TET2: variants seen among roughly 807,000 people sequenced by gnomAD.
TET2 encodes the protein tet methylcytosine dioxygenase 2.
A neutral mutation model predicts 142.9 loss-of-function variants in TET2; 299 were observed. The ratio of observed to expected loss-of-function variants is 2.09; its 90% CI spans 1.90 to 2.30. The LOEUF (loss-of-function observed/expected upper bound fraction) is 2.30, where lower values mean the gene tolerates loss of function less well. TET2 is among the 30% of genes most tolerant of loss of function. The pLI, the probability that TET2 is intolerant of heterozygous loss-of-function variation, is 0.00. For synonymous variants in TET2, 819 were observed against 849.0 expected, an observed-to-expected ratio of 0.96 and a Z score of 0.61; for missense variants, 2,418 against 2,378.0, an observed-to-expected ratio of 1.02 and a Z score of -0.35.
intron 6 of TET2, among the ~76,000 whole-genome samples, chr4:105,244,987 A>G (rs1448805643): frequency 6.6e-6 from 1 of 152,212 alleles, no homozygotes; most frequent in Non-Finnish European, 1.5e-5. Context: ...CCACCAAACT[A>G]TAGAATCATT....
chr4:105,175,602 T>C (rs576192887), intron 1 of TET2, among the ~76,000 whole-genome samples: 1 of 151,980 alleles, frequency 6.6e-6, no homozygotes, highest in South Asian at 2.1e-4. Flanking sequence ...AAAGGTATAA[T>C]GTACGTGCAA....
rs1553918864 is a variant in TET2 at position 105,278,171 on chromosome 4, C to CATATACATATATAT, written c.*1657_*1658insCATATATATATATA. The CATATACATATATAT allele has an allele frequency of 8.8e-6, 1 of 113,940 alleles. No individual in the cohort carries two copies. Among genetic ancestry groups the CATATACATATATAT allele is most frequent in the African/African-American group, 4.1e-5 (1 of 24,396 alleles). The allele number at this position is 113,940 out of a possible 1,614,324, so 7.1% of individuals were successfully genotyped here. ...GTACTGTAAAAAAATTAAATATATA[C>CATATACATATATAT]ATATATATATATATATATATATATA... On this transcript the variant is annotated 3_prime_UTR_variant, in exon 11 of 11. Transcript: ENST00000380013.
At chr4:105,199,688 C>T (rs1001917470) in intron 2 of TET2, among the ~76,000 whole-genome samples, 7 of 152,168 alleles carry the variant, frequency 4.6e-5, no homozygotes, top group Non-Finnish European at 8.8e-5. Flanking sequence ...TCCTCTCCCT[C>T]CTCCCACCCT....
Position 105,243,655 on chromosome 4 carries a change from T to A in TET2, c.3680T>A (p.Val1227Glu), listed in dbSNP as rs2110255102. ...AGHTCEAAVI[V>E]ILILVWEGIP... ...CACACCTGTGAGGCTGCAGTGATTGTGATTCTCATCCTGGTGTGGGAAGGA... is the reference window on the plus strand; with the variant it reads ...CACACCTGTGAGGCTGCAGTGATTGAGATTCTCATCCTGGTGTGGGAAGGA... The change falls in exon 6 of 11, where the codon GTG (valine) becomes GAG (glutamate). Residue 1227 changes from valine to glutamate, a missense_variant. By Grantham distance (121) the Val-to-Glu change is moderately radical. Coordinates refer to ENST00000380013, the MANE Select transcript of TET2 (RefSeq NM_001127208.3). The A allele has an allele frequency of 6.4e-7, 1 of 1,551,608 alleles. No individual in the cohort carries two copies. The highest frequency in any genetic ancestry group is 8.7e-7 in the Non-Finnish European group (1 of 1,146,948).
At chr4:105,216,473 C>A (rs1727501418) in intron 2 of TET2, among the ~76,000 whole-genome samples, 1 of 151,854 alleles carries the variant, frequency 6.6e-6, no homozygotes, top group Non-Finnish European at 1.5e-5. Context: ...TATAAGATGG[C>A]AACTAAAATC....
At position 105,275,579 on chromosome 4, in the gene TET2, C is replaced by T. The variant is rs1731173083; in HGVS notation, c.5069C>T (p.Thr1690Ile). 1 of 1,551,608 alleles carries T rather than the reference C, an allele frequency of 6.4e-7. No individual in the cohort carries two copies. The highest frequency in any genetic ancestry group is 8.7e-7 in the Non-Finnish European group (1 of 1,146,992). The change falls in exon 11 of 11, where the codon ACA (threonine) becomes ATA (isoleucine). Residue 1690 changes from threonine (T) to isoleucine (I), a missense_variant. Coordinates refer to ENST00000380013, the MANE Select transcript of TET2 (RefSeq NM_001127208.3). Reference sequence around the variant, plus strand: ...AGGTTTGGAAATAGCCAGAGTTTTACATCTAAATACTTAGGTTATGGAAAC... The same window carrying T: ...AGGTTTGGAAATAGCCAGAGTTTTATATCTAAATACTTAGGTTATGGAAAC... ...QPRFGNSQSF[T>I]SKYLGYGNQN...
At chr4:105,164,270 AGT>A (rs992020799) in intron 1 of TET2, among the ~76,000 whole-genome samples, 190 of 152,306 alleles carry the variant, frequency 1.2e-3, no homozygotes, top group African/African-American at 4.1e-3. Context: ...TCCACATATA[AGT>A]GAGATCATGC....
chr4:105,272,941 G>C (rs1265469916), intron 10 of TET2, 23 bp downstream of exon 10: 1 of 1,482,966 alleles, frequency 6.7e-7, no homozygotes, highest in Non-Finnish European at 9.0e-7. Flanking sequence ...TAAAGCATTT[G>C]TAGATAAATG....
At chr4:105,216,323 TCAA>T (rs1389970999) in intron 2 of TET2, among the ~76,000 whole-genome samples, 6 of 152,134 alleles carry the variant, frequency 3.9e-5, no homozygotes, top group Non-Finnish European at 5.9e-5. Context: ...TGAATTTTAA[TCAA>T]AGTTCTTTCA....
intron 1 of TET2, among the ~76,000 whole-genome samples, chr4:105,170,867 G>A (rs1724426377): frequency 6.6e-6 from 1 of 152,010 alleles, no homozygotes; most frequent in Non-Finnish European, 1.5e-5. Context: ...ATAGACTTAG[G>A]GTGCTCAAGC....
intron 6 of TET2, among the ~76,000 whole-genome samples, chr4:105,245,522 G>T (rs1187412498): frequency 1.3e-5 from 2 of 151,948 alleles, no homozygotes; most frequent in African/African-American, 4.8e-5. Context: ...TAGAGACAGG[G>T]TTTCTCCATG....
At chr4:105,215,077 T>A (rs1727416432) in intron 2 of TET2, among the ~76,000 whole-genome samples, 1 of 152,114 alleles carries the variant, frequency 6.6e-6, no homozygotes, top group South Asian at 2.1e-4. Flanking sequence ...ACCCAGCTAG[T>A]GTCTGCTGCT....
rs946688560 is a variant in TET2 at position 105,242,392 on chromosome 4, G to A, written c.3501-442G>A. ...CCATGTGGCTGGATACTAACTATTTGCCAGCCTCCTTTTCTAAATTGTGAG... is the reference window on the plus strand; with the variant it reads ...CCATGTGGCTGGATACTAACTATTTACCAGCCTCCTTTTCTAAATTGTGAG... On this transcript the variant is annotated intron_variant, in intron 4 of 10. Coordinates refer to ENST00000380013, the MANE Select transcript of TET2 (RefSeq NM_001127208.3). 21 of 1,081,838 alleles carry A rather than the reference G, an allele frequency of 1.9e-5. No individual in the cohort carries two copies. The African/African-American group carries it at 3.0e-4, about 15-fold the overall frequency. The allele number at this position is 1,081,838 out of a possible 1,614,324, so 67.0% of individuals were successfully genotyped here. A position where few individuals can be genotyped will look rare whatever the true frequency, so the allele number is the denominator to read the frequency against.
At chr4:105,266,711 A>G (rs1333943429) in intron 8 of TET2, among the ~76,000 whole-genome samples, 2 of 152,078 alleles carry the variant, frequency 1.3e-5, no homozygotes, top group Non-Finnish European at 2.9e-5. Flanking sequence ...ATTTTTCAGT[A>G]TAAAGAAAAA....
At chr4:105,258,298 A>G (rs201460039) in intron 6 of TET2, among the ~76,000 whole-genome samples, 2 of 81,120 alleles carry the variant, frequency 2.5e-5, no homozygotes, top group Admixed American at 2.5e-4. Context: ...TTTTGCTGAC[A>G]TGTGTAAAGT....
chr4:105,175,189 G>A (rs576789252), intron 1 of TET2, among the ~76,000 whole-genome samples: 3 of 152,166 alleles, frequency 2.0e-5, no homozygotes, highest in Admixed American at 2.0e-4. Context: ...AAAATTATAA[G>A]GCATGCTAAA....
At position 105,236,038 on chromosome 4, in the gene TET2, T is replaced by G; in HGVS notation, c.2096T>G (p.Leu699Trp). The G allele has an allele frequency of 6.2e-7, 1 of 1,614,158 alleles. No homozygotes were observed. The highest frequency in any genetic ancestry group is 8.5e-7 in the Non-Finnish European group (1 of 1,180,022). ...SQTEKLMSPV[L>W]KQHLNQQASE... ...ACTGAAAAACTTATGTCCCCAGTGT[T>G]GAAACAGCACTTGAATCAACAGGCT... Residue 699 changes from leucine to tryptophan, a missense_variant, in exon 3 of 11, where the codon TTG becomes TGG. By Grantham distance (61) the Leu-to-Trp change is moderately conservative (BLOSUM62 -2). Coordinates refer to ENST00000380013, the MANE Select transcript of TET2 (RefSeq NM_001127208.3).
intron 1 of TET2, among the ~76,000 whole-genome samples, chr4:105,188,382 T>G (rs777185877): frequency 6.6e-6 from 1 of 152,144 alleles, no homozygotes; most frequent in Non-Finnish European, 1.5e-5. Flanking sequence ...AAATGGGAAG[T>G]TATTGTTTAA....
chr4:105,194,087 C>T (rs1725940736), intron 2 of TET2, among the ~76,000 whole-genome samples: 1 of 151,916 alleles, frequency 6.6e-6, no homozygotes, highest in South Asian at 2.1e-4. Flanking sequence ...CTTGGTCTAG[C>T]CCAGGTCTCC....
Sources: allele counts gnomAD v4.1 joint callset (sites outside exome capture counted in the v4.1 genomes callset), GRCh38; gene constraint gnomAD v4.1.1; transcripts MANE v1.5; gene names NCBI Gene and HGNC (gene_info 2026-07-23, HGNC 2026-07-21).